Variants in NCOA6 observed in about 807,000 individuals in gnomAD.
NCOA6 encodes NRC RAP250.
NCOA6 carries 49 observed loss-of-function variants against 171.4 expected under a neutral mutation model. The observed-to-expected ratio is 0.29, with a 90% CI of 0.23 to 0.36. NCOA6 has a LOEUF of 0.36. NCOA6 is among the 10% of genes least tolerant of loss of function. The pLI is 1.00. For synonymous variants in NCOA6, 910 were observed against 927.5 expected, an observed-to-expected ratio of 0.98 and a Z score of 0.34; for missense variants, 2,248 against 2,554.5, an observed-to-expected ratio of 0.88 and a Z score of 2.59.
rs547602652 is a variant in NCOA6 at position 34,805,236 on chromosome 20, T to A, written c.-163-12673A>T. On this transcript the variant is annotated intron_variant, in intron 1 of 14. Transcript: ENST00000359003. ...TTGTATATTTTTAGTAGAGATGAGG[T>A]TTTGCCATATTGCCCAGGCTGATCT... is the stretch of plus-strand genomic sequence containing the variant. Among the ~76,000 whole-genome samples the A allele has an allele frequency of 1.1e-3, 168 of 152,074 alleles. 1 individual carries two copies. The highest frequency in any genetic ancestry group is 1.9e-3 in the Non-Finnish European group (131 of 67,984).
rs750841323 is a variant in NCOA6 at position 34,741,919 on chromosome 20, G to A, written c.4337C>T (p.Ala1446Val). 8 of 1,614,156 alleles carry A rather than the reference G, an allele frequency of 5.0e-6. No individual in the cohort carries two copies. The South Asian group carries it at 8.8e-5, about 18-fold the overall frequency. Residue 1446 changes from alanine (A) to valine (V), a missense_variant, in exon 11 of 15, where the codon GCC (alanine) becomes GTC (valine). Ala to Val is a moderately conservative substitution (Grantham distance 64). This residue lies in a region of NCOA6 where 884 missense variants were observed against 941.9 expected (regional missense o/e 0.94). Coordinates refer to ENST00000359003, the MANE Select transcript of NCOA6 (RefSeq NM_014071.5). Reference sequence around the variant, plus strand: ...AGGGACAACCATTTTAACTTCTTGGGCAGGGACTGCTTTTAGTTCAATGTT... The same window carrying A: ...AGGGACAACCATTTTAACTTCTTGGACAGGGACTGCTTTTAGTTCAATGTT... ...QVNIELKAVP[A>V]QEVKMVVPED...
intron 1 of NCOA6, among the ~76,000 whole-genome samples, chr20:34,823,301 T>G (rs2079060106): frequency 6.6e-6 from 1 of 152,090 alleles, no homozygotes. Flanking sequence ...GCAGATCACT[T>G]GAGCTCAGGA....
intron 10 of NCOA6, 99 bp from the exon 11 acceptor site, chr20:34,743,440 G>T: frequency 7.7e-7 from 1 of 1,293,640 alleles, no homozygotes; most frequent in Non-Finnish European, 1.1e-6. Flanking sequence ...AGGTGGCACA[G>T]ACTATGCACA....
At chr20:34,765,439 C>CAA (rs34605174) in intron 5 of NCOA6, among the ~76,000 whole-genome samples, 7 of 106,500 alleles carry the variant, frequency 6.6e-5, no homozygotes, top group African/African-American at 1.1e-4. Flanking sequence ...GAGTCCGTCT[C>CAA]AAAAAAAAAA....
chr20:34,799,055 T>C (rs2078172086), intron 1 of NCOA6, among the ~76,000 whole-genome samples: 3 of 152,054 alleles, frequency 2.0e-5, no homozygotes, highest in Admixed American at 2.0e-4. Flanking sequence ...GACAGAGAAT[T>C]CAAAACAGCT....
In NCOA6 at chr20:34,742,175, T is replaced by C; in HGVS notation, c.4081A>G (p.Asn1361Asp). Residue 1361 changes from asparagine to aspartate, a missense_variant, in exon 11 of 15, where the codon AAT (asparagine) becomes GAT (aspartate). Coordinates refer to ENST00000359003, the MANE Select transcript of NCOA6 (RefSeq NM_014071.5). Reference protein sequence around the residue: ...APKLTLASQTNAALLQNVELP... With the variant: ...APKLTLASQTDAALLQNVELP... ...TCCACATTCTGCAATAGGGCTGCAT[T>C]TGTCTGAGAGGCCAGAGTAAGTTTA... 6.2e-7 allele frequency: 1 copy of C among 1,614,164 alleles called. No homozygotes were observed. The highest frequency in any genetic ancestry group is 8.5e-7 in the Non-Finnish European group (1 of 1,180,036).
intron 1 of NCOA6, among the ~76,000 whole-genome samples, chr20:34,803,495 A>G (rs867767577): frequency 1.1e-4 from 16 of 152,080 alleles, no homozygotes; most frequent in African/African-American, 2.9e-4. Flanking sequence ...AAACAAAAAA[A>G]CAAAGTGAAA....
At chr20:34,780,439 C>A (rs1173930179) in intron 3 of NCOA6, among the ~76,000 whole-genome samples, 1 of 151,862 alleles carries the variant, frequency 6.6e-6, no homozygotes, top group East Asian at 1.9e-4. Flanking sequence ...CTCACTGCAA[C>A]CTCTACCTCC....
chr20:34,770,810 A>T (rs1361023661), intron 4 of NCOA6, among the ~76,000 whole-genome samples: 2 of 151,992 alleles, frequency 1.3e-5, no homozygotes, highest in East Asian at 3.9e-4. Context: ...TTGTATTTTT[A>T]GTAGAAACGG....
chr20:34,733,568 T>C (rs2075852086), intron 12 of NCOA6, among the ~76,000 whole-genome samples: 1 of 151,928 alleles, frequency 6.6e-6, no homozygotes, highest in Admixed American at 6.6e-5. Context: ...CACTTCAAAG[T>C]TAAGGAGATG....
chr20:34,730,301 G>A (rs1003495698), intron 13 of NCOA6, among the ~76,000 whole-genome samples: 3 of 151,244 alleles, frequency 2.0e-5, no homozygotes, highest in Admixed American at 2.0e-4. Context: ...TGTTGCCCAG[G>A]CTGGGCAACT....
chr20:34,782,410 A>G lies in NCOA6; in HGVS notation c.-49-6T>C. 1.8e-6 allele frequency: 2 copies of G among 1,105,768 alleles called. No homozygotes were observed. The highest frequency in any genetic ancestry group is 2.6e-6 in the Non-Finnish European group (2 of 767,642). 68.5% of individuals were successfully genotyped at this position (1,105,768 alleles called of 1,614,324 possible). On this transcript the variant is annotated splice_region_variant and splice_polypyrimidine_tract_variant and intron_variant, in intron 2 of 14. Coordinates refer to ENST00000359003, the MANE Select transcript of NCOA6 (RefSeq NM_014071.5). ...AGAGGACAATAAGAAAACTTCTGAA[A>G]AGAGAAGATGCAAAAGAGCATTACA... is the stretch of plus-strand genomic sequence containing the variant.
rs759134877 is a variant in NCOA6 at position 34,749,453 on chromosome 20, C to T, written c.2742G>A (p.Pro914=). ...TCTTCCGAGGGGGTTTCTTCTTCTT[C>T]GGTTTATTTGCGTTGGTATTATTTT... The part of the protein sequence containing the change: ...NKQNNTNANK[P]KKKKPPRKKK... Residue 914 remains proline (P), a synonymous_variant, in exon 9 of 15, where the codon CCG becomes CCA. Transcript: ENST00000359003. 2.6e-5 allele frequency: 42 copies of T among 1,612,976 alleles called. No individual in the cohort carries two copies. The highest frequency in any genetic ancestry group is 4.0e-5 in the African/African-American group (3 of 74,852).
At chr20:34,761,361 C>G (rs1770897935) in intron 5 of NCOA6, among the ~76,000 whole-genome samples, 1 of 152,024 alleles carries the variant, frequency 6.6e-6, no homozygotes, top group Non-Finnish European at 1.5e-5. Context: ...ATATATTATT[C>G]TCATAATTCC....
At chr20:34,772,628 T>C (rs2077185966) in intron 4 of NCOA6, among the ~76,000 whole-genome samples, 1 of 150,550 alleles carries the variant, frequency 6.6e-6, no homozygotes, top group Admixed American at 6.6e-5. Flanking sequence ...CAGAAAAAAA[T>C]GCAGCAGAAA....
rs1391294084 is a variant in NCOA6, at chr20:34,741,537, T to G, written c.4719A>C (p.Pro1573=). The change falls in exon 11 of 15, where the codon CCA becomes CCC. Residue 1573 remains proline, a synonymous_variant. Coordinates refer to ENST00000359003, the MANE Select transcript of NCOA6 (RefSeq NM_014071.5). ...GTCTTGACATTACTGGAGGGATGCT[T>G]GGTGCAACGTTAGAACTGACCTCAC... ...ELSEVSSNVA[P]SIPPVMSRPV... 1.2e-6 allele frequency: 2 copies of G among 1,614,160 alleles called. No homozygotes were observed. The highest frequency in any genetic ancestry group is 2.7e-5 in the African/African-American group (2 of 75,026).
chr20:34,780,284 G>A (rs2077476152), intron 3 of NCOA6, among the ~76,000 whole-genome samples: 1 of 152,214 alleles, frequency 6.6e-6, no homozygotes, highest in Admixed American at 6.5e-5. Flanking sequence ...ATATTTGAGA[G>A]ATTTGACTTA....
At chr20:34,759,389 C>T (rs1389763750) in intron 5 of NCOA6, among the ~76,000 whole-genome samples, 1 of 149,606 alleles carries the variant, frequency 6.7e-6, no homozygotes, top group Admixed American at 6.8e-5. Context: ...AAAAAATTTG[C>T]TCTTATGTCC....
At chr20:34,762,746 T>C (rs1159351357) in intron 5 of NCOA6, among the ~76,000 whole-genome samples, 1 of 152,224 alleles carries the variant, frequency 6.6e-6, no homozygotes, top group African/African-American at 2.4e-5. Flanking sequence ...TTAGATCTTA[T>C]TTCTTCCATC....
Sources: allele counts gnomAD v4.1 joint callset (sites outside exome capture counted in the v4.1 genomes callset), GRCh38; gene constraint gnomAD v4.1.1; regional missense constraint gnomAD v4.1.1; transcripts MANE v1.5; gene names NCBI Gene and HGNC (gene_info 2026-07-23, HGNC 2026-07-21).